The following RAB3C variants were observed in gnomAD, a reference collection of about 807,000 sequenced individuals.
The protein encoded by RAB3C is RAB3C, member RAS oncogene family.
In RAB3C, 17 loss-of-function variants were observed where a neutral mutation model predicts 26.4. The observed-to-expected ratio is 0.64, with a 90% CI of 0.44 to 0.97. The LOEUF (loss-of-function observed/expected upper bound fraction) is 0.97, where lower values mean the gene tolerates loss of function less well. Ranked by LOEUF, RAB3C falls within the 50% of genes least tolerant of loss-of-function variation. RAB3C has a pLI of 0.00. For synonymous variants in RAB3C, 91 were observed against 95.9 expected, an observed-to-expected ratio of 0.95 and a Z score of 0.30; for missense variants, 242 against 281.9, an observed-to-expected ratio of 0.86 and a Z score of 1.01.
intron 3 of RAB3C, among the ~76,000 whole-genome samples, chr5:58,743,224 G>A (rs1413313505): frequency 1.3e-5 from 2 of 152,110 alleles, no homozygotes; most frequent in Non-Finnish European, 2.9e-5. Flanking sequence ...AAAATCTAAT[G>A]TACCTGGCAT....
chr5:58,596,636 TAA>T (rs1449644954), intron 1 of RAB3C, among the ~76,000 whole-genome samples: 2 of 86,236 alleles, frequency 2.3e-5, no homozygotes, highest in African/African-American at 1.0e-4. Flanking sequence ...ACATAATATA[TAA>T]ATATATAATA....
At chr5:58,592,164 G>A (rs1746146814) in intron 1 of RAB3C, among the ~76,000 whole-genome samples, 1 of 152,046 alleles carries the variant, frequency 6.6e-6, no homozygotes, top group African/African-American at 2.4e-5. Context: ...CTCCTAAAGT[G>A]CTGGGATTAC....
intron 3 of RAB3C, among the ~76,000 whole-genome samples, chr5:58,792,353 AC>A (rs1742543532): frequency 6.6e-6 from 1 of 152,164 alleles, no homozygotes; most frequent in Admixed American, 6.5e-5. Flanking sequence ...TGGGGGCAAA[AC>A]CTTTTCCTCA....
At chr5:58,648,443 A>G (rs1003534097) in intron 2 of RAB3C, among the ~76,000 whole-genome samples, 5 of 152,212 alleles carry the variant, frequency 3.3e-5, no homozygotes, top group African/African-American at 4.8e-5. Flanking sequence ...AGTTTGTGAA[A>G]TGAGCTTCTC....
intron 2 of RAB3C, among the ~76,000 whole-genome samples, chr5:58,676,346 TGC>T (rs1192089302): frequency 2.0e-5 from 3 of 151,880 alleles, no homozygotes; most frequent in Non-Finnish European, 4.4e-5. Context: ...CTACTAAAAA[TGC>T]AAAAATTAGC....
chr5:58,710,547 C>T lies in RAB3C; in HGVS notation c.253-15455C>T, dbSNP rs1749034508. Among the ~76,000 whole-genome samples the T allele has an allele frequency of 2.6e-5, 4 of 151,304 alleles. No homozygotes were observed. The East Asian group carries it at 7.8e-4, about 29-fold the overall frequency. ...CTGGGAGGCGGAGGTTGCAGTGAGC[C>T]GAGATCACGCCACTGCACTCTAGCC... On this transcript the variant is annotated intron_variant, in intron 2 of 4. Coordinates refer to ENST00000282878, the MANE Select transcript of RAB3C (RefSeq NM_138453.4).
intron 2 of RAB3C, among the ~76,000 whole-genome samples, chr5:58,710,884 G>T (rs974781836): frequency 6.6e-6 from 1 of 152,086 alleles, no homozygotes; most frequent in African/African-American, 2.4e-5. Flanking sequence ...ATCTATTTTA[G>T]GGAGTTCATC....
At chr5:58,819,710 A>G (rs1743294749) in intron 3 of RAB3C, among the ~76,000 whole-genome samples, 1 of 110,700 alleles carries the variant, frequency 9.0e-6, no homozygotes, top group African/African-American at 3.1e-5. Context: ...TCCTGTCTCT[A>G]CTTAAAAAAA....
chr5:58,681,905 C>A (rs143701484), intron 2 of RAB3C, among the ~76,000 whole-genome samples: 2 of 152,232 alleles, frequency 1.3e-5, no homozygotes, highest in African/African-American at 4.8e-5. Context: ...TGAGATAATG[C>A]TGGAAGAAGG....
chr5:58,631,590 G>C (rs1050072993), intron 2 of RAB3C, among the ~76,000 whole-genome samples: 7 of 152,172 alleles, frequency 4.6e-5, no homozygotes, highest in African/African-American at 1.7e-4. Flanking sequence ...CTGTGTGAAG[G>C]CTGACTCAGA....
intron 3 of RAB3C, among the ~76,000 whole-genome samples, chr5:58,805,958 C>T (rs1265565654): frequency 2.0e-5 from 3 of 152,096 alleles, no homozygotes; most frequent in Admixed American, 6.6e-5. Context: ...GTATCTAGCA[C>T]CCTTCTTTTT....
intron 3 of RAB3C, among the ~76,000 whole-genome samples, chr5:58,761,857 C>G (rs1444735680): frequency 1.3e-5 from 2 of 152,072 alleles, no homozygotes; most frequent in Non-Finnish European, 2.9e-5. Context: ...CAGGTACCTG[C>G]TCTTCAATTT....
chr5:58,635,328 G>A (rs540565622), intron 2 of RAB3C, among the ~76,000 whole-genome samples: 1 of 152,324 alleles, frequency 6.6e-6, no homozygotes, highest in African/African-American at 2.4e-5. Flanking sequence ...GGAGGTTGCT[G>A]TCCATTCTTA....
At chr5:58,653,062 G>C (rs1342688942) in intron 2 of RAB3C, among the ~76,000 whole-genome samples, 2 of 152,110 alleles carry the variant, frequency 1.3e-5, no homozygotes, top group Non-Finnish European at 2.9e-5. Context: ...ATGGTGGTTT[G>C]CAGCACCCAT....
intron 2 of RAB3C, among the ~76,000 whole-genome samples, chr5:58,682,818 G>A (rs1469365180): frequency 6.6e-6 from 1 of 152,082 alleles, no homozygotes; most frequent in Non-Finnish European, 1.5e-5. Flanking sequence ...ATTATTCCAG[G>A]ATCACCCTTC....
intron 3 of RAB3C, among the ~76,000 whole-genome samples, chr5:58,820,382 A>G (rs2161550): frequency 0.5 from 75,868 of 151,994 alleles, 19,422 homozygotes; most frequent in Middle Eastern, 0.67. Flanking sequence ...AAATCACCCA[A>G]CATGGCATTG....
chr5:58,790,079 C>A (rs980233556), intron 3 of RAB3C, among the ~76,000 whole-genome samples: 7 of 152,126 alleles, frequency 4.6e-5, no homozygotes, highest in African/African-American at 1.7e-4. Context: ...AAGTCTAGAC[C>A]CATTAATTCA....
intron 1 of RAB3C, among the ~76,000 whole-genome samples, chr5:58,608,240 C>A (rs1173503462): frequency 6.6e-6 from 1 of 152,030 alleles, no homozygotes; most frequent in Non-Finnish European, 1.5e-5. Context: ...GGAGGAAGAT[C>A]TACCAAGCAA....
At chr5:58,827,502 A>G (rs1743511999) in intron 4 of RAB3C, among the ~76,000 whole-genome samples, 1 of 152,248 alleles carries the variant, frequency 6.6e-6, no homozygotes, top group African/African-American at 2.4e-5. Context: ...CCAGGTTGTG[A>G]AAAGGGATGT....
Sources: allele counts gnomAD v4.1 joint callset (sites outside exome capture counted in the v4.1 genomes callset), GRCh38; gene constraint gnomAD v4.1.1; transcripts MANE v1.5; gene names NCBI Gene and HGNC (gene_info 2026-07-23, HGNC 2026-07-21).